Variants in NEDD4L observed in about 807,000 individuals in gnomAD.
NEDD4L encodes the protein E3 ubiquitin-protein ligase NEDD4-like.
A neutral mutation model predicts 148.9 loss-of-function variants in NEDD4L; 54 were observed. That is an observed-to-expected ratio of 0.36 (90% CI 0.29 to 0.45). The LOEUF (loss-of-function observed/expected upper bound fraction) is 0.45, where lower values mean the gene tolerates loss of function less well. NEDD4L is among the 20% of genes least tolerant of loss of function. The probability of loss-of-function intolerance (pLI) is 1.00; values close to 1 mark genes in which losing one functional copy is unlikely to be tolerated. For missense variants in NEDD4L, 856 were observed against 1,233.8 expected, an observed-to-expected ratio of 0.69 and a Z score of 4.59; for synonymous variants, 433 against 440.7, an observed-to-expected ratio of 0.98 and a Z score of 0.22.
intron 27 of NEDD4L, chr18:58,388,545 A>G (rs147516632): frequency 1.3e-5 from 2 of 152,504 alleles, no homozygotes; most frequent in African/African-American, 4.8e-5. Flanking sequence ...AGGAACGGCA[A>G]ACCTTAGACT....
intron 1 of NEDD4L, among the ~76,000 whole-genome samples, chr18:58,128,037 C>T (rs2031449750): frequency 6.6e-6 from 1 of 151,556 alleles, no homozygotes; most frequent in Non-Finnish European, 1.5e-5. Flanking sequence ...TTTTGTTTTG[C>T]TTTGCTTTCC....
At chr18:58,096,192 G>C (rs1487362346) in intron 1 of NEDD4L, among the ~76,000 whole-genome samples, 1 of 151,208 alleles carries the variant, frequency 6.6e-6, no homozygotes, top group Non-Finnish European at 1.5e-5. Context: ...TTCTGTACAG[G>C]GTACTTTATA....
chr18:58,183,086 C>T (rs574770717), intron 2 of NEDD4L, among the ~76,000 whole-genome samples: 1 of 152,304 alleles, frequency 6.6e-6, no homozygotes, highest in East Asian at 1.9e-4. Context: ...TCAGCACACC[C>T]TGAGAATGGC....
At chr18:58,379,702 A>G (rs2048078679) in intron 24 of NEDD4L, among the ~76,000 whole-genome samples, 1 of 152,206 alleles carries the variant, frequency 6.6e-6, no homozygotes, top group Non-Finnish European at 1.5e-5. Context: ...AGACGGTGTC[A>G]CGATCAGCCC....
intron 1 of NEDD4L, among the ~76,000 whole-genome samples, chr18:58,152,538 G>A (rs2034908988): frequency 6.6e-6 from 1 of 152,224 alleles, no homozygotes. Context: ...TCTTAAAAAT[G>A]TATGTAAATA....
intron 1 of NEDD4L, among the ~76,000 whole-genome samples, chr18:58,132,159 A>T (rs1347284567): frequency 6.6e-6 from 1 of 152,174 alleles, no homozygotes; most frequent in African/African-American, 2.4e-5. Context: ...AATTTCCATT[A>T]TTCTCCATCA....
intron 2 of NEDD4L, among the ~76,000 whole-genome samples, chr18:58,196,710 CTTTTTTTTTT>C (rs544883000): frequency 1.8e-3 from 207 of 114,440 alleles, no homozygotes; most frequent in African/African-American, 5.6e-3. Context: ...CTCTCTCTCT[CTTTTTTTTTT>C]TTTTTTTTTT....
chr18:58,126,565 C>T (rs2031137809), intron 1 of NEDD4L, among the ~76,000 whole-genome samples: 1 of 152,168 alleles, frequency 6.6e-6, no homozygotes, highest in African/African-American at 2.4e-5. Context: ...TTTGTTTCTA[C>T]TTTTTGGTAG....
chr18:58,385,463 G>C (rs2048889931), intron 25 of NEDD4L, 63 bp from the exon 26 acceptor site: 1 of 1,333,674 alleles, frequency 7.5e-7, no homozygotes, highest in Non-Finnish European at 1.1e-6. Flanking sequence ...CCCTGTTGCG[G>C]AGAAAGCAGT....
chr18:58,129,500 T>G (rs1042133689), intron 1 of NEDD4L, among the ~76,000 whole-genome samples: 6 of 152,182 alleles, frequency 3.9e-5, no homozygotes, highest in Admixed American at 3.3e-4. Flanking sequence ...GCACCCAACT[T>G]GGTTTTCTAC....
intron 1 of NEDD4L, among the ~76,000 whole-genome samples, chr18:58,161,073 A>G (rs12456657): frequency 0.45 from 67,868 of 151,226 alleles, 15,794 homozygotes; most frequent in Admixed American, 0.54. Flanking sequence ...CTGGAGTGCA[A>G]TGGTGCGATC....
At chr18:58,096,671 C>T (rs1194358682) in intron 1 of NEDD4L, among the ~76,000 whole-genome samples, 1 of 151,636 alleles carries the variant, frequency 6.6e-6, no homozygotes, top group Non-Finnish European at 1.5e-5. Flanking sequence ...GCTGGGATTA[C>T]AGGCATGAGC....
intron 29 of NEDD4L, among the ~76,000 whole-genome samples, 170 bp downstream of exon 29, chr18:58,390,912 A>C (rs2049737517): frequency 6.6e-6 from 1 of 152,092 alleles, no homozygotes; most frequent in African/African-American, 2.4e-5. Context: ...TCTATACTTT[A>C]TATAGATAAC....
At chr18:58,223,806 A>C (rs1476820877) in intron 2 of NEDD4L, among the ~76,000 whole-genome samples, 1 of 152,236 alleles carries the variant, frequency 6.6e-6, no homozygotes, top group African/African-American at 2.4e-5. Context: ...GGGCAATGGC[A>C]GAAGCACATG....
chr18:58,371,781 C>A (rs2046909949), intron 23 of NEDD4L: 1 of 152,314 alleles, frequency 6.6e-6, no homozygotes. Context: ...TCCACTTTGA[C>A]CCTGTGTTTG....
intron 2 of NEDD4L, among the ~76,000 whole-genome samples, chr18:58,182,824 A>G (rs1005684658): frequency 3.9e-5 from 6 of 152,140 alleles, no homozygotes; most frequent in African/African-American, 7.2e-5. Flanking sequence ...GTAGTGTTCT[A>G]TGCACTATGC....
At chr18:58,217,007 T>G (rs528729786) in intron 2 of NEDD4L, among the ~76,000 whole-genome samples, 1 of 152,350 alleles carries the variant, frequency 6.6e-6, no homozygotes, top group East Asian at 1.9e-4. Context: ...TTCAAATGCT[T>G]TGAGCAGAAG....
At chr18:58,332,644 ATT>A (rs1391261159) in intron 11 of NEDD4L, among the ~76,000 whole-genome samples, 2 of 151,918 alleles carry the variant, frequency 1.3e-5, no homozygotes, top group African/African-American at 4.8e-5. Context: ...TGACACTTTT[ATT>A]AAAGACTGAT....
At position 58,327,755 on chromosome 18, in the gene NEDD4L, G is replaced by A. The variant is rs567017119; in HGVS notation, c.681-1240G>A. On this transcript the variant is annotated intron_variant, in intron 9 of 30. Coordinates refer to ENST00000400345, the MANE Select transcript of NEDD4L (RefSeq NM_001144967.3). Reference sequence around the variant, plus strand: ...TACTATATTTCAGTTAGTCTGAAATGACGATTTCAACTTTTGAGATACTGA... The same window carrying A: ...TACTATATTTCAGTTAGTCTGAAATAACGATTTCAACTTTTGAGATACTGA... Among the ~76,000 whole-genome samples, 145 of 152,240 alleles carry A rather than the reference G, an allele frequency of 9.5e-4. 1 individual carries two copies. Among genetic ancestry groups the A allele is most frequent in the Non-Finnish European group, 1.9e-3 (128 of 68,022 alleles).
Sources: gnomAD v4.1 joint callset for allele counts (sites outside exome capture counted in the v4.1 genomes callset) on GRCh38, gnomAD v4.1.1 for gene constraint, MANE v1.5 for transcripts, NCBI Gene and HGNC (gene_info 2026-07-23, HGNC 2026-07-21) for gene names.